CD96: variants seen among roughly 807,000 people sequenced by gnomAD.
The protein encoded by CD96 is CD96 molecule, also known as T-cell surface protein tactile.
In CD96, 70 loss-of-function variants were observed where a neutral mutation model predicts 71.3. The ratio of observed to expected loss-of-function variants is 0.98; its 90% confidence interval spans 0.81 to 1.20. The LOEUF is 1.20. CD96 is among the 50% of genes most tolerant of loss of function. The pLI, the probability that CD96 is intolerant of heterozygous loss-of-function variation, is 0.00. For synonymous variants in CD96, 248 were observed against 233.0 expected, an observed-to-expected ratio of 1.06 and a Z score of -0.59; for missense variants, 742 against 677.5, an observed-to-expected ratio of 1.10 and a Z score of -1.06.
rs888950558 is a variant in CD96, at chr3:111,583,564, T to C, written c.752-1759T>C. Among the ~76,000 whole-genome samples the C allele has an allele frequency of 5.9e-5, 9 of 152,352 alleles. 1 individual carries two copies. The South Asian group carries it at 1.7e-3, about 28-fold the overall frequency. On this transcript the variant is annotated intron_variant, in intron 4 of 13. Transcript: ENST00000352690. ...GCCCTTGCAGCAAACTTTTGCTGGG[T>C]ATTCAGACATTTCCATAAATCTTCT...
intron 2 of CD96, among the ~76,000 whole-genome samples, chr3:111,549,908 A>T (rs1240280566): frequency 6.6e-6 from 1 of 152,144 alleles, no homozygotes; most frequent in Non-Finnish European, 1.5e-5. Flanking sequence ...TCTAGGAGAG[A>T]GGTTTAAGCT....
At chr3:111,663,470 T>A (rs1940404902) in intron 14 of CD96, among the ~76,000 whole-genome samples, 1 of 151,960 alleles carries the variant, frequency 6.6e-6, no homozygotes, top group African/African-American at 2.4e-5. Flanking sequence ...AAAGAAACAA[T>A]CAACAGGCCT....
intron 7 of CD96, 89 bp downstream of exon 7, chr3:111,601,003 T>C: frequency 1.2e-6 from 1 of 853,320 alleles, no homozygotes. Context: ...ATCACTTCCA[T>C]AACGTTTTAA....
chr3:111,593,607 T>C, intron 5 of CD96: 1 of 1,574,740 alleles, frequency 6.4e-7, no homozygotes, highest in Non-Finnish European at 8.6e-7. Context: ...CATGCCTCCT[T>C]CTCAGCCCTC....
intron 5 of CD96, chr3:111,593,725 C>A (rs1404452656): frequency 6.2e-7 from 1 of 1,614,088 alleles, no homozygotes; most frequent in Non-Finnish European, 8.5e-7. Context: ...TCCTAAGCAC[C>A]TCCTTTTCCC....
intron 8 of CD96, among the ~76,000 whole-genome samples, chr3:111,614,486 T>A (rs1938124355): frequency 6.6e-6 from 1 of 152,228 alleles, no homozygotes; most frequent in African/African-American, 2.4e-5. Flanking sequence ...CTGACTGTCC[T>A]ATGGCTGCTG....
At chr3:111,647,753 T>C in intron 13 of CD96, 87 bp downstream of exon 13, 4 of 986,766 alleles carry the variant, frequency 4.1e-6, no homozygotes, top group East Asian at 2.7e-5. Context: ...CTCTATGAAG[T>C]TCCTCCCATA....
At chr3:111,599,813 T>C (rs1057317609) in intron 6 of CD96, among the ~76,000 whole-genome samples, 1 of 152,238 alleles carries the variant, frequency 6.6e-6, no homozygotes, top group Non-Finnish European at 1.5e-5. Flanking sequence ...AGAGGCTAGA[T>C]TTTGTGGTCA....
At chr3:111,611,319 G>A (rs1357696127) in intron 8 of CD96, among the ~76,000 whole-genome samples, 1 of 152,218 alleles carries the variant, frequency 6.6e-6, no homozygotes, top group African/African-American at 2.4e-5. Context: ...GGAAGCAACT[G>A]ACCAGGGGAT....
chr3:111,593,744 G>T (rs972352331), intron 5 of CD96: 2 of 1,613,972 alleles, frequency 1.2e-6, no homozygotes, highest in African/African-American at 2.7e-5. Flanking sequence ...CCTTTGGCTG[G>T]CCCACAAAGC....
chr3:111,618,303 G>C (rs1426837152), intron 8 of CD96, among the ~76,000 whole-genome samples: 1 of 152,212 alleles, frequency 6.6e-6, no homozygotes, highest in African/African-American at 2.4e-5. Context: ...GGCTGGCAAA[G>C]CAAGACCTCA....
At chr3:111,575,019 C>T (rs1936161357) in intron 3 of CD96, among the ~76,000 whole-genome samples, 1 of 151,870 alleles carries the variant, frequency 6.6e-6, no homozygotes, top group Non-Finnish European at 1.5e-5. Context: ...GTCTTGAACT[C>T]CTGGGCTCAA....
At chr3:111,625,677 A>T (rs1009597445) in intron 10 of CD96, among the ~76,000 whole-genome samples, 2 of 152,232 alleles carry the variant, frequency 1.3e-5, no homozygotes, top group Non-Finnish European at 2.9e-5. Context: ...ATGGAATAAA[A>T]TAAATGTGGA....
intron 6 of CD96, among the ~76,000 whole-genome samples, chr3:111,599,656 G>T (rs1199217050): frequency 6.6e-6 from 1 of 152,114 alleles, no homozygotes; most frequent in Non-Finnish European, 1.5e-5. Flanking sequence ...GGGAAGCAAA[G>T]GTTGCAGTGA....
intron 12 of CD96, among the ~76,000 whole-genome samples, chr3:111,647,025 T>C (rs1289420185): frequency 7.0e-6 from 1 of 142,990 alleles, no homozygotes; most frequent in East Asian, 2.0e-4. Context: ...CGAGTACATA[T>C]GGACACAAAG....
intron 8 of CD96, among the ~76,000 whole-genome samples, chr3:111,612,168 T>C (rs1249859268): frequency 6.6e-6 from 1 of 152,196 alleles, no homozygotes; most frequent in Non-Finnish European, 1.5e-5. Context: ...TGGTAGGTGA[T>C]AGTTGCAAGA....
chr3:111,617,262 G>T (rs1381044320), intron 8 of CD96, among the ~76,000 whole-genome samples: 3 of 152,020 alleles, frequency 2.0e-5, no homozygotes, highest in African/African-American at 7.2e-5. Context: ...TAGGTCCCCA[G>T]TGAAACCCCA....
At chr3:111,663,403 A>G (rs1940403889) in intron 14 of CD96, among the ~76,000 whole-genome samples, 2 of 152,234 alleles carry the variant, frequency 1.3e-5, no homozygotes, top group African/African-American at 4.8e-5. Context: ...AGCAATTGTA[A>G]CAAAAACAAA....
chr3:111,552,989 C>G (rs947438087), intron 2 of CD96, among the ~76,000 whole-genome samples: 1 of 151,734 alleles, frequency 6.6e-6, no homozygotes, highest in African/African-American at 2.4e-5. Context: ...TTTATTTAAA[C>G]CCTTATCAAC....
Sources: gnomAD v4.1 joint callset for allele counts (sites outside exome capture counted in the v4.1 genomes callset) on GRCh38, gnomAD v4.1.1 for gene constraint, MANE v1.5 for transcripts, NCBI Gene and HGNC (gene_info 2026-07-23, HGNC 2026-07-21) for gene names.